The following GRIN2A variants were observed in gnomAD, a reference collection of about 807,000 sequenced individuals.
GRIN2A encodes the protein glutamate receptor ionotropic, NMDA 2A.
A neutral mutation model predicts 113.4 loss-of-function variants in GRIN2A; 22 were observed. The observed-to-expected ratio is 0.19, with a 90% CI of 0.14 to 0.28. GRIN2A has a LOEUF of 0.28. Among genes scored for constraint, GRIN2A ranks in the 10% least tolerant of loss-of-function variants. GRIN2A has a pLI of 1.00. For missense variants in GRIN2A, 1,502 were observed against 1,887.0 expected, an observed-to-expected ratio of 0.80 and a Z score of 3.78; for synonymous variants, 827 against 738.4, an observed-to-expected ratio of 1.12 and a Z score of -1.94.
At chr16:9,839,398 T>A (rs910430180) in intron 7 of GRIN2A, among the ~76,000 whole-genome samples, 1 of 151,910 alleles carries the variant, frequency 6.6e-6, no homozygotes, top group East Asian at 1.9e-4. Context: ...ACACCTTTTA[T>A]GTAAAAACAT....
chr16:10,174,108 G>A (rs1248472012), intron 2 of GRIN2A, among the ~76,000 whole-genome samples: 1 of 152,168 alleles, frequency 6.6e-6, no homozygotes, highest in African/African-American at 2.4e-5. Flanking sequence ...GGTCCAATAT[G>A]AGCCATGAGA....
At chr16:9,928,637 A>G (rs1240869961) in intron 3 of GRIN2A, among the ~76,000 whole-genome samples, 1 of 151,786 alleles carries the variant, frequency 6.6e-6, no homozygotes. Context: ...ATCTGTCCAG[A>G]CCAAAGCTCT....
chr16:9,800,154 T>A (rs928035706), intron 10 of GRIN2A, among the ~76,000 whole-genome samples: 1 of 152,100 alleles, frequency 6.6e-6, no homozygotes, highest in African/African-American at 2.4e-5. Context: ...TTTATATTTT[T>A]AGTAGAGACA....
At chr16:9,804,591 C>T (rs747820158) in intron 10 of GRIN2A, among the ~76,000 whole-genome samples, 2 of 152,018 alleles carry the variant, frequency 1.3e-5, no homozygotes, top group African/African-American at 4.8e-5. Flanking sequence ...GACAGAGACA[C>T]CATCTGACAC....
intron 2 of GRIN2A, among the ~76,000 whole-genome samples, chr16:9,946,517 C>T (rs1008754054): frequency 7.9e-5 from 12 of 152,244 alleles, no homozygotes; most frequent in African/African-American, 2.9e-4. Flanking sequence ...AAGCATGGGC[C>T]TCCCTGAGCC....
intron 3 of GRIN2A, among the ~76,000 whole-genome samples, chr16:9,929,659 G>T (rs1227328390): frequency 6.6e-6 from 1 of 152,022 alleles, no homozygotes; most frequent in Non-Finnish European, 1.5e-5. Context: ...TAATAGAGAT[G>T]GGGCTTAATT....
intron 2 of GRIN2A, among the ~76,000 whole-genome samples, chr16:10,152,344 A>G (rs1387922829): frequency 6.6e-6 from 1 of 152,200 alleles, no homozygotes; most frequent in Non-Finnish European, 1.5e-5. Flanking sequence ...ACGTGTCTTT[A>G]TTCATGCTGT....
intron 3 of GRIN2A, among the ~76,000 whole-genome samples, chr16:9,936,773 G>C (rs2044722606): frequency 6.6e-6 from 1 of 152,156 alleles, no homozygotes; most frequent in Non-Finnish European, 1.5e-5. Flanking sequence ...ATATAAGAAG[G>C]GAAAAAATCA....
chr16:10,106,391 T>G (rs981339065), intron 2 of GRIN2A, among the ~76,000 whole-genome samples: 1 of 151,912 alleles, frequency 6.6e-6, no homozygotes, highest in Non-Finnish European at 1.5e-5. Context: ...TGAGACCCTG[T>G]CTCTATTTAA....
Position 10,163,680 on chromosome 16 carries a change from TA to T in GRIN2A, c.414+16317del, listed in dbSNP as rs2049852018. ...GCCACTAAAGGATTAACACCTCACA[TA>T]ACAGGTGCTCCAGAATTCTACAAAG... On this transcript the variant is annotated intron_variant, in intron 2 of 12. Transcript: ENST00000330684. Among the ~76,000 whole-genome samples the T allele has an allele frequency of 2.1e-5, 3 of 145,794 alleles. No homozygotes were observed. In the South Asian group the frequency reaches 6.8e-4, roughly 33 times the overall value.
intron 2 of GRIN2A, among the ~76,000 whole-genome samples, chr16:10,116,860 G>T (rs2048737564): frequency 1.3e-5 from 2 of 152,046 alleles, no homozygotes; most frequent in South Asian, 4.2e-4. Context: ...GCCACTTCAG[G>T]TCTGCCATAT....
intron 12 of GRIN2A, among the ~76,000 whole-genome samples, chr16:9,767,173 A>T (rs927090928): frequency 6.6e-6 from 1 of 152,224 alleles, no homozygotes; most frequent in Non-Finnish European, 1.5e-5. Flanking sequence ...TTTTTAAGCA[A>T]TCTATGTGTT....
At chr16:9,769,422 G>T in intron 11 of GRIN2A, among the ~76,000 whole-genome samples, 1 of 141,246 alleles carries the variant, frequency 7.1e-6, no homozygotes, top group African/African-American at 2.6e-5. Flanking sequence ...ACTTAGCACA[G>T]TTCCTGGTTT....
At chr16:10,179,831 T>C in intron 2 of GRIN2A, 167 bp downstream of exon 2, 1 of 671,734 alleles carries the variant, frequency 1.5e-6, no homozygotes, top group Admixed American at 2.3e-5. Flanking sequence ...CATTTCTGGG[T>C]TGGAGAGGCA....
intron 2 of GRIN2A, among the ~76,000 whole-genome samples, chr16:9,962,490 C>T (rs2045462752): frequency 6.6e-6 from 1 of 152,142 alleles, no homozygotes; most frequent in African/African-American, 2.4e-5. Flanking sequence ...GACATTTATG[C>T]AGCCAAAAAA....
At chr16:9,845,547 C>T (rs76327080) in intron 5 of GRIN2A, among the ~76,000 whole-genome samples, 1,583 of 152,252 alleles carry the variant, frequency 0.01, 22 homozygotes, top group African/African-American at 0.036. Context: ...CAAATTAGAA[C>T]ATCCTCTGAC....
intron 2 of GRIN2A, among the ~76,000 whole-genome samples, chr16:10,039,611 T>G (rs917013283): frequency 1.3e-5 from 2 of 151,384 alleles, no homozygotes; most frequent in African/African-American, 4.9e-5. Context: ...ACCGGTGGCG[T>G]TGGGCGCGGG....
At chr16:10,049,623 C>T (rs2141981135) in intron 2 of GRIN2A, among the ~76,000 whole-genome samples, 1 of 152,324 alleles carries the variant, frequency 6.6e-6, no homozygotes, top group African/African-American at 2.4e-5. Flanking sequence ...AGGTGATCCA[C>T]CCGCCTTGGC....
At chr16:10,179,893 C>CCCCAAACAAAAAAAA in intron 2 of GRIN2A, 105 bp downstream of exon 2, 10 of 719,808 alleles carry the variant, frequency 1.4e-5, no homozygotes, top group East Asian at 3.6e-5. Flanking sequence ...CCCCCACCCC[C>CCCCAAACAAAAAAAA]ACTTCACATC....
Sources: allele counts gnomAD v4.1 joint callset (sites outside exome capture counted in the v4.1 genomes callset), GRCh38; gene constraint gnomAD v4.1.1; transcripts MANE v1.5; gene names NCBI Gene and HGNC (gene_info 2026-07-23, HGNC 2026-07-21).